The following GREB1L variants were observed in gnomAD, a reference collection of about 807,000 sequenced individuals.
GREB1L encodes the protein GREB1-like protein.
GREB1L carries 17 observed loss-of-function variants against 200.8 expected under a neutral mutation model. That is an observed-to-expected ratio of 0.08 (90% CI 0.06 to 0.13). The LOEUF (loss-of-function observed/expected upper bound fraction) is 0.13. Ranked by LOEUF, GREB1L falls within the 10% of genes least tolerant of loss-of-function variation. The pLI is 1.00. For synonymous variants in GREB1L, 789 were observed against 893.0 expected, an observed-to-expected ratio of 0.88 and a Z score of 2.08; for missense variants, 1,657 against 2,367.7, an observed-to-expected ratio of 0.70 and a Z score of 6.23.
Position 21,525,996 on chromosome 18 carries a change from CA to C in GREB1L, c.*3178del, listed in dbSNP as rs750023529. 1.3e-4 allele frequency among the ~76,000 whole-genome samples: 20 copies of C among 152,086 alleles called. No homozygotes were observed. The highest frequency in any genetic ancestry group is 2.5e-4 in the Non-Finnish European group (17 of 68,014). Reference sequence around the variant, plus strand: ...ACTACTGGTGTTCCACTATACATTCCAAAGCAGCTGCCTTGAAAAGACTATT... The same window carrying C: ...ACTACTGGTGTTCCACTATACATTCCAAGCAGCTGCCTTGAAAAGACTATT... On this transcript the variant is annotated 3_prime_UTR_variant, in exon 33 of 33. Coordinates refer to ENST00000424526, the MANE Select transcript of GREB1L (RefSeq NM_001142966.3).
At chr18:21,288,268 AAG>A (rs1385912831) in intron 1 of GREB1L, among the ~76,000 whole-genome samples, 7 of 152,124 alleles carry the variant, frequency 4.6e-5, no homozygotes, top group African/African-American at 1.7e-4. Flanking sequence ...CAGAAAAAAA[AAG>A]AGCTGTGATC....
intron 14 of GREB1L, among the ~76,000 whole-genome samples, chr18:21,453,125 C>G (rs2034602756): frequency 6.6e-6 from 1 of 152,238 alleles, no homozygotes; most frequent in African/African-American, 2.4e-5. Flanking sequence ...AGAGGACTTA[C>G]AGATTCCGGA....
At chr18:21,355,368 A>G (rs2039489213) in intron 1 of GREB1L, among the ~76,000 whole-genome samples, 1 of 151,878 alleles carries the variant, frequency 6.6e-6, no homozygotes, top group South Asian at 2.1e-4. Flanking sequence ...TAATTTTTGT[A>G]TTTTAAGTAG....
At chr18:21,290,905 G>A (rs2038439416) in intron 1 of GREB1L, among the ~76,000 whole-genome samples, 2 of 151,442 alleles carry the variant, frequency 1.3e-5, no homozygotes, top group Non-Finnish European at 2.9e-5. Context: ...GTAACACTTA[G>A]CAGACCTGTG....
At chr18:21,411,765 G>A (rs755952302) in intron 7 of GREB1L, among the ~76,000 whole-genome samples, 7 of 151,918 alleles carry the variant, frequency 4.6e-5, no homozygotes, top group African/African-American at 1.7e-4. Flanking sequence ...TAGAATGGGG[G>A]CCGGGCGCGG....
At chr18:21,346,262 C>CTA (rs1235288224) in intron 1 of GREB1L, among the ~76,000 whole-genome samples, 1 of 152,088 alleles carries the variant, frequency 6.6e-6, no homozygotes, top group Non-Finnish European at 1.5e-5. Context: ...CCCACACAGG[C>CTA]TATCATGACC....
At chr18:21,433,181 A>G (rs1296128838) in intron 7 of GREB1L, among the ~76,000 whole-genome samples, 1 of 152,216 alleles carries the variant, frequency 6.6e-6, no homozygotes, top group African/African-American at 2.4e-5. Context: ...CGTTTTCTTC[A>G]TGTAGTTGCA....
rs2037489905 is a variant in GREB1L at position 21,518,198 on chromosome 18, G to A, written c.5436G>A (p.Val1812=). The change falls in exon 31 of 33, where the codon GTG becomes GTA. Residue 1812 remains valine (V), a synonymous_variant. Transcript: ENST00000424526. The stretch of plus-strand genomic sequence containing the variant: ...CCATCCATAACTTCAGGAGTCCTGT[G>A]CTGGCCATTGACTGCTACCTTAACA... ...PKAIHNFRSP[V]LAIDCYLNIG... 2 of 1,551,554 alleles carry A rather than the reference G, an allele frequency of 1.3e-6. No homozygotes were observed. The highest frequency in any genetic ancestry group is 1.4e-5 in the African/African-American group (1 of 73,032).
chr18:21,451,204 C>T, intron 13 of GREB1L, 53 bp downstream of exon 13: 1 of 1,534,606 alleles, frequency 6.5e-7, no homozygotes, highest in Non-Finnish European at 8.8e-7. Flanking sequence ...GTATGATTTT[C>T]TGAGTTTAAA....
intron 7 of GREB1L, among the ~76,000 whole-genome samples, chr18:21,432,175 G>A (rs560830460): frequency 3.3e-5 from 5 of 151,896 alleles, no homozygotes; most frequent in Admixed American, 6.6e-5. Context: ...CGCCCACCTC[G>A]GCCTCCCAAA....
At chr18:21,301,450 C>T (rs1462361144) in intron 1 of GREB1L, among the ~76,000 whole-genome samples, 1 of 152,172 alleles carries the variant, frequency 6.6e-6, no homozygotes, top group Non-Finnish European at 1.5e-5. Flanking sequence ...CCCCTTTTAG[C>T]AAATGATATT....
intron 7 of GREB1L, among the ~76,000 whole-genome samples, chr18:21,411,245 C>T (rs1228183215): frequency 1.0e-4 from 15 of 150,398 alleles, no homozygotes; most frequent in South Asian, 2.1e-4. Flanking sequence ...CTCACTCTGT[C>T]GCCCAGGCTG....
At position 21,257,645 on chromosome 18, in the gene GREB1L, T is replaced by A. The variant is rs184477935; in HGVS notation, c.-120+15252T>A. Among the ~76,000 whole-genome samples, 17 of 152,286 alleles carry A rather than the reference T, an allele frequency of 1.1e-4. No homozygotes were observed. The East Asian group carries it at 3.3e-3, about 29-fold the overall frequency. ...CAGAGTAGGAACTGTGATGGAACAGTGTAACACATGGCATAGTTGCATATC... is the reference window on the plus strand; with the variant it reads ...CAGAGTAGGAACTGTGATGGAACAGAGTAACACATGGCATAGTTGCATATC... On this transcript the variant is annotated intron_variant, in intron 1 of 32. Transcript: ENST00000424526.
intron 1 of GREB1L, among the ~76,000 whole-genome samples, chr18:21,296,792 C>G (rs1254293966): frequency 6.6e-6 from 1 of 151,846 alleles, no homozygotes; most frequent in Admixed American, 6.6e-5. Context: ...TTATCTGGGA[C>G]TATAGGCACA....
At chr18:21,291,163 C>G (rs182297496) in intron 1 of GREB1L, among the ~76,000 whole-genome samples, 119 of 152,304 alleles carry the variant, frequency 7.8e-4, no homozygotes, top group Admixed American at 1.2e-3. Flanking sequence ...CCACTCCCCC[C>G]AGGCAGTACC....
chr18:21,503,333 T>C (rs1307826902), intron 23 of GREB1L, among the ~76,000 whole-genome samples: 1 of 148,856 alleles, frequency 6.7e-6, no homozygotes, highest in Non-Finnish European at 1.5e-5. Context: ...CAGCCTCCTG[T>C]GTAGCTGGGA....
intron 1 of GREB1L, among the ~76,000 whole-genome samples, chr18:21,325,026 T>C (rs2039001801): frequency 6.6e-6 from 1 of 152,214 alleles, no homozygotes; most frequent in African/African-American, 2.4e-5. Context: ...GACACTTAAC[T>C]GGAATTTCAG....
intron 7 of GREB1L, among the ~76,000 whole-genome samples, chr18:21,434,309 C>T (rs1598830749): frequency 2.0e-5 from 3 of 151,890 alleles, no homozygotes; most frequent in Admixed American, 2.0e-4. Context: ...ACCTCACCTC[C>T]ACCAAAAAAT....
intron 15 of GREB1L, among the ~76,000 whole-genome samples, chr18:21,468,110 T>G (rs540950944): frequency 5.9e-4 from 89 of 151,812 alleles, no homozygotes; most frequent in Non-Finnish European, 1.1e-3. Flanking sequence ...GCAACATTAT[T>G]CATAATAGCA....
Sources: allele counts gnomAD v4.1 joint callset (sites outside exome capture counted in the v4.1 genomes callset), GRCh38; gene constraint gnomAD v4.1.1; transcripts MANE v1.5; gene names NCBI Gene and HGNC (gene_info 2026-07-23, HGNC 2026-07-21).